WDR20: variants seen among roughly 807,000 people sequenced by gnomAD.
WDR20 encodes the protein WD repeat domain 20.
Under a neutral mutation model 38.7 loss-of-function variants are expected in WDR20, and 3 were observed. That is an observed-to-expected ratio of 0.08 (90% CI 0.04 to 0.20). The LOEUF (loss-of-function observed/expected upper bound fraction) is 0.20, where lower values mean the gene tolerates loss of function less well. WDR20 is among the 10% of genes least tolerant of loss of function. The pLI is 1.00. For synonymous variants in WDR20, 298 were observed against 285.6 expected (o/e 1.04, Z -0.44); for missense variants, 559 against 727.7 (o/e 0.77, Z 2.67).
chr14:102,174,253 A>T (rs914107736), intron 1 of WDR20, among the ~76,000 whole-genome samples: 3 of 152,076 alleles, frequency 2.0e-5, no homozygotes, highest in African/African-American at 7.2e-5. Flanking sequence ...CTCTGGGTAG[A>T]TACCCTGTGG....
rs571317617 is a variant in WDR20, at chr14:102,222,766, C to A, written c.1693-64C>A. The stretch of plus-strand genomic sequence containing the variant: ...ACCACGTGGAGCTGCTGGCGGAGGG[C>A]GCGCATGGTGGCTGTTGCCCGTCCG... On this transcript the variant is annotated intron_variant, in intron 3 of 3. Transcript: ENST00000335263. The surrounding 1 kb of genome is among the most constrained non-coding windows in gnomAD (Gnocchi z 4.4). The A allele has an allele frequency of 6.6e-5, 104 of 1,582,506 alleles. No homozygotes were observed. The highest frequency in any genetic ancestry group is 8.8e-5 in the Non-Finnish European group (101 of 1,152,376).
At chr14:102,195,938 A>T (rs1009172140) in intron 2 of WDR20, 1 of 152,226 alleles carries the variant, frequency 6.6e-6, no homozygotes, top group African/African-American at 2.4e-5. Context: ...CTGGGTTCCA[A>T]TCTCTACTTG....
In WDR20 at chr14:102,222,962, A is replaced by G; in HGVS notation, c.*79A>G. Reference sequence around the variant, plus strand: ...GAGGAGGAGCTCCGAGCTGCGCCTGAGCCGTGCCAGCCGGCGGACCTCAGG... The same window carrying G: ...GAGGAGGAGCTCCGAGCTGCGCCTGGGCCGTGCCAGCCGGCGGACCTCAGG... On this transcript the variant is annotated 3_prime_UTR_variant, in exon 4 of 4. Transcript: ENST00000335263. This position sits in a 1 kb window ranked among gnomAD's most constrained non-coding sequence, Gnocchi z 4.4. 4.5e-6 allele frequency: 7 copies of G among 1,568,512 alleles called. No homozygotes were observed. The highest frequency in any genetic ancestry group is 5.3e-6 in the Non-Finnish European group (6 of 1,142,738).
At position 102,220,103 on chromosome 14, in the gene WDR20, G is replaced by A. The variant is rs112938245; in HGVS notation, c.1693-2727G>A. Reference sequence around the variant, plus strand: ...TGCGGCTTTGTAGGGACCAGCTGGCGGAAGCAGCGTGTCCCTCAACATCAG... The same window carrying A: ...TGCGGCTTTGTAGGGACCAGCTGGCAGAAGCAGCGTGTCCCTCAACATCAG... On this transcript the variant is annotated intron_variant, in intron 3 of 3. Transcript: ENST00000335263. This position sits in a 1 kb window ranked among gnomAD's most constrained non-coding sequence, Gnocchi z 4.2. 0.09 allele frequency among the ~76,000 whole-genome samples: 13,693 copies of A among 152,320 alleles called. 637 individuals carry two copies. Among genetic ancestry groups the A allele is most frequent in the South Asian group, 0.15 (732 of 4,834 alleles).
At chr14:102,159,572 G>A (rs973242901) in intron 1 of WDR20, among the ~76,000 whole-genome samples, 8 of 152,164 alleles carry the variant, frequency 5.3e-5, no homozygotes, top group East Asian at 1.9e-4. Context: ...GGTGGCGCAC[G>A]CCGGTAATCC....
chr14:102,183,566 G>A (rs1017079623), intron 1 of WDR20, among the ~76,000 whole-genome samples: 5 of 152,180 alleles, frequency 3.3e-5, no homozygotes, highest in African/African-American at 1.2e-4. Flanking sequence ...GATTGAAAAG[G>A]GAGAAACAGC....
chr14:102,174,781 A>G (rs1390210061), intron 1 of WDR20, among the ~76,000 whole-genome samples: 3 of 151,940 alleles, frequency 2.0e-5, no homozygotes, highest in Non-Finnish European at 4.4e-5. Flanking sequence ...TGTGGTTTTG[A>G]TTTTCATTTC....
At chr14:102,206,201 G>A (rs762097401) in intron 2 of WDR20, among the ~76,000 whole-genome samples, 10 of 152,122 alleles carry the variant, frequency 6.6e-5, no homozygotes, top group Non-Finnish European at 1.3e-4. Flanking sequence ...TGGCCAGGCT[G>A]GTCTCGAACT....
chr14:102,203,975 T>TTCCTCTTTTG (rs2061012832), intron 2 of WDR20, among the ~76,000 whole-genome samples: 1 of 152,254 alleles, frequency 6.6e-6, no homozygotes, highest in Admixed American at 6.5e-5. Flanking sequence ...TTCTGTTCTC[T>TTCCTCTTTTG]TCCTCTTTTG....
downstream of WDR20, chr14:102,214,148 G>A (rs2062914268): frequency 2.0e-6 from 2 of 985,514 alleles, no homozygotes; most frequent in African/African-American, 3.5e-5. Context: ...CACATGCGTG[G>A]GTAGGGGTCG....
At chr14:102,141,113 A>C (rs34363326) in intron 1 of WDR20, among the ~76,000 whole-genome samples, 1 of 152,158 alleles carries the variant, frequency 6.6e-6, no homozygotes, top group South Asian at 2.1e-4. Flanking sequence ...CTATGTAACT[A>C]TGTTTTCACT....
In WDR20 at chr14:102,210,508, AAAC is replaced by A. The variant is rs1365662122; in HGVS notation, c.*630_*632del. The A allele has an allele frequency of 1.0e-6, 1 of 985,328 alleles. No homozygotes were observed. Among genetic ancestry groups the A allele is most frequent in the Non-Finnish European group, 1.2e-6 (1 of 829,930 alleles). The allele number at this position is 985,328 out of a possible 1,614,324, so 61.0% of individuals were successfully genotyped here. A position where few individuals can be genotyped will look rare whatever the true frequency, so the allele number is the denominator to read the frequency against. On this transcript the variant is annotated 3_prime_UTR_variant, in exon 3 of 3. Transcript: ENST00000342702. ...TTTATGACAATTAAAGTTGTTTAAT[AAAC>A]ATCTTTTTTCAAAGAAGCAGTTTGT...
chr14:102,144,710 T>G (rs985163306), intron 1 of WDR20, among the ~76,000 whole-genome samples: 3 of 151,980 alleles, frequency 2.0e-5, no homozygotes, highest in African/African-American at 7.2e-5. Flanking sequence ...TTTTGTTTTT[T>G]TTTTTGTTTT....
chr14:102,186,511 C>T (rs1045956316), intron 1 of WDR20, among the ~76,000 whole-genome samples: 2 of 152,116 alleles, frequency 1.3e-5, no homozygotes, highest in African/African-American at 4.8e-5. Flanking sequence ...TGGCCAAGGT[C>T]TCTTTTCATC....
chr14:102,170,408 C>T (rs771633986), intron 1 of WDR20, among the ~76,000 whole-genome samples: 4 of 152,068 alleles, frequency 2.6e-5, no homozygotes, highest in African/African-American at 9.7e-5. Flanking sequence ...ATAGTCAAAT[C>T]GCCTTCTAAA....
At chr14:102,170,052 A>G (rs1694510878) in intron 1 of WDR20, among the ~76,000 whole-genome samples, 1 of 152,204 alleles carries the variant, frequency 6.6e-6, no homozygotes, top group Admixed American at 6.5e-5. Flanking sequence ...CCAATGTTTT[A>G]ATACACAAAA....
downstream of WDR20, among the ~76,000 whole-genome samples, chr14:102,216,757 C>T (rs896333791): frequency 2.0e-5 from 3 of 152,138 alleles, no homozygotes; most frequent in African/African-American, 7.2e-5. Context: ...TGGCAAACCC[C>T]CATCTGTACT....
At chr14:102,223,629 TA>T (rs1182351118) in exon 4 of WDR20, 1 of 152,670 alleles carries the variant, frequency 6.6e-6, no homozygotes, top group African/African-American at 2.4e-5. Context: ...TTAAGAGTGA[TA>T]TTTCTAATTC....
intron 1 of WDR20, among the ~76,000 whole-genome samples, chr14:102,172,459 G>A (rs1482047236): frequency 6.6e-6 from 1 of 151,308 alleles, no homozygotes; most frequent in Non-Finnish European, 1.5e-5. Flanking sequence ...GGGCAGAGGG[G>A]CTCCTCACTT....
Sources: allele counts gnomAD v4.1 joint callset (sites outside exome capture counted in the v4.1 genomes callset), GRCh38; gene constraint gnomAD v4.1.1; non-coding constraint Gnocchi (gnomAD v3.1); transcripts MANE v1.5; gene names NCBI Gene and HGNC (gene_info 2026-07-23, HGNC 2026-07-21).